MIPEP: variants seen among roughly 807,000 people sequenced by gnomAD.
MIPEP encodes mitochondrial intermediate peptidase.
Under a neutral mutation model 90.3 loss-of-function variants are expected in MIPEP, and 79 were observed. The ratio of observed to expected loss-of-function variants is 0.87; its 90% CI spans 0.73 to 1.05. MIPEP has a LOEUF of 1.05. Among genes scored for constraint, MIPEP ranks in the 50% least tolerant of loss-of-function variants. The pLI is 0.00. For missense variants in MIPEP, 940 were observed against 905.6 expected, an observed-to-expected ratio of 1.04 and a Z score of -0.49; for synonymous variants, 334 against 315.8, an observed-to-expected ratio of 1.06 and a Z score of -0.61.
At chr13:23,888,645 A>C in intron 1 of MIPEP, 3 of 902,302 alleles carry the variant, frequency 3.3e-6, no homozygotes, top group Non-Finnish European at 4.0e-6. Flanking sequence ...ATTAATTAAT[A>C]GATGATGGAA....
chr13:23,778,711 G>GACAATA (rs1952744112), intron 16 of MIPEP, among the ~76,000 whole-genome samples: 1 of 59,728 alleles, frequency 1.7e-5, no homozygotes, highest in Non-Finnish European at 4.1e-5. Context: ...TTATTATACT[G>GACAATA]ACAATAATAA....
intron 18 of MIPEP, among the ~76,000 whole-genome samples, chr13:23,749,966 C>G (rs527652536): frequency 3.3e-5 from 5 of 152,216 alleles, no homozygotes; most frequent in Admixed American, 6.5e-5. Flanking sequence ...CCTCCCTCCC[C>G]CAAGTGGCAA....
At chr13:23,790,287 CT>C (rs966936073) in intron 16 of MIPEP, among the ~76,000 whole-genome samples, 3 of 152,172 alleles carry the variant, frequency 2.0e-5, no homozygotes, top group African/African-American at 4.8e-5. Context: ...TTGAAGATTT[CT>C]TACTTCTGTT....
intron 16 of MIPEP, among the ~76,000 whole-genome samples, chr13:23,768,869 A>T (rs1457967061): frequency 6.6e-6 from 1 of 152,236 alleles, no homozygotes; most frequent in Non-Finnish European, 1.5e-5. Context: ...ATGTAATATT[A>T]AAAAACCCCT....
Position 23,783,355 on chromosome 13 carries a change from T to A in MIPEP, c.1848+22595A>T, listed in dbSNP as rs147017734. Among the ~76,000 whole-genome samples the A allele has an allele frequency of 6.3e-3, 962 of 152,268 alleles. 11 individuals are homozygous for A. Among genetic ancestry groups the A allele is most frequent in the African/African-American group, 0.022 (912 of 41,544 alleles). ...AACAGAACCAAAGACAAAAACCACA[T>A]GATTATCTCAACAGATGCAGAAAAG... On this transcript the variant is annotated intron_variant, in intron 16 of 18. Coordinates refer to ENST00000382172, the MANE Select transcript of MIPEP (RefSeq NM_005932.4).
chr13:23,767,826 C>A (rs1225827986), intron 16 of MIPEP, among the ~76,000 whole-genome samples: 3 of 151,970 alleles, frequency 2.0e-5, no homozygotes, highest in East Asian at 1.9e-4. Context: ...TTGAAAAGAG[C>A]GATTTGCCCA....
intron 10 of MIPEP, among the ~76,000 whole-genome samples, chr13:23,844,057 G>T (rs1869426957): frequency 6.6e-6 from 1 of 152,140 alleles, no homozygotes; most frequent in South Asian, 2.1e-4. Context: ...GGAACCGACT[G>T]TGAAGTGCCC....
In MIPEP at chr13:23,832,094, A is replaced by G. The variant is rs1868798181; in HGVS notation, c.1653+4146T>C. 3.3e-5 allele frequency among the ~76,000 whole-genome samples: 5 copies of G among 152,134 alleles called. No homozygotes were observed. In the South Asian group the frequency reaches 1.0e-3, roughly 32 times the overall value. On this transcript the variant is annotated intron_variant, in intron 14 of 18. Coordinates refer to ENST00000382172, the MANE Select transcript of MIPEP (RefSeq NM_005932.4). ...TACCCCTTCTCCAGGCAGTATTGAGAGATCACTGGGTCATGAGGGCTCTGC... is the reference window on the plus strand; with the variant it reads ...TACCCCTTCTCCAGGCAGTATTGAGGGATCACTGGGTCATGAGGGCTCTGC...
chr13:23,836,148 C>G (rs1214006523), intron 14 of MIPEP, 92 bp downstream of exon 14: 2 of 713,968 alleles, frequency 2.8e-6, no homozygotes, highest in Non-Finnish European at 4.4e-6. Flanking sequence ...AGGGTGAGTT[C>G]TGAAAAGCAA....
Position 23,756,509 on chromosome 13 carries a change from T to C in MIPEP, c.2044+36A>G, listed in dbSNP as rs775158611. On this transcript the variant is annotated intron_variant, in intron 18 of 18. Coordinates refer to ENST00000382172, the MANE Select transcript of MIPEP (RefSeq NM_005932.4). The stretch of plus-strand genomic sequence containing the variant: ...CATATGGAGAAAACATAAATCAGCT[T>C]TCATTATAGATGGTGCCATTTTGGT... 3.1e-6 allele frequency: 5 copies of C among 1,592,246 alleles called. No homozygotes were observed. In the African/African-American group the frequency reaches 4.0e-5, roughly 13 times the overall value.
rs937325653 is a variant in MIPEP at position 23,870,821 on chromosome 13, CA to C, written c.604-627del. Among the ~76,000 whole-genome samples the C allele has an allele frequency of 1.3e-3, 199 of 151,996 alleles. 1 individual carries two copies. Among genetic ancestry groups the C allele is most frequent in the African/African-American group, 4.7e-3 (194 of 41,454 alleles). ...CTCTGTCTCAAAAAAAAACAAAAAA[CA>C]AAAAAACAGTTATTTGCAAAAGTGT... On this transcript the variant is annotated intron_variant, in intron 5 of 18. Transcript: ENST00000382172.
At position 23,830,653 on chromosome 13, in the gene MIPEP, C is replaced by G. The variant is rs564486120; in HGVS notation, c.1653+5587G>C. Among the ~76,000 whole-genome samples the G allele has an allele frequency of 1.6e-3, 242 of 152,308 alleles. 2 individuals carry two copies. Among genetic ancestry groups the G allele is most frequent in the Middle Eastern group, 6.8e-3 (2 of 294 alleles). On this transcript the variant is annotated intron_variant, in intron 14 of 18. Transcript: ENST00000382172. ...AAATGAGCCTCCTTAGAATTCCCTT[C>G]CACTATTCCTAGTAATATTGTTTTT...
intron 10 of MIPEP, among the ~76,000 whole-genome samples, chr13:23,854,914 TAAACAAAC>T (rs1284025106): frequency 6.8e-6 from 1 of 146,830 alleles, no homozygotes; most frequent in Non-Finnish European, 1.5e-5. Context: ...AAAAAAACAA[TAAACAAAC>T]AAACAAACAA....
At chr13:23,737,957 C>G (rs1271167217) in intron 18 of MIPEP, among the ~76,000 whole-genome samples, 1 of 152,122 alleles carries the variant, frequency 6.6e-6, no homozygotes, top group Non-Finnish European at 1.5e-5. Context: ...TTGCTTGACA[C>G]CAAGCAAAGG....
chr13:23,822,347 C>CTTGT (rs1953315876), intron 14 of MIPEP, among the ~76,000 whole-genome samples: 1 of 152,170 alleles, frequency 6.6e-6, no homozygotes, highest in African/African-American at 2.4e-5. Flanking sequence ...TGCAGCCTGT[C>CTTGT]TAATATGCTA....
chr13:23,771,019 T>C (rs997422754), intron 16 of MIPEP, among the ~76,000 whole-genome samples: 3 of 152,124 alleles, frequency 2.0e-5, no homozygotes, highest in Non-Finnish European at 4.4e-5. Flanking sequence ...TGGCCAGCAC[T>C]AGAGAGGACC....
intron 10 of MIPEP, among the ~76,000 whole-genome samples, chr13:23,854,901 G>GAA (rs58441886): frequency 0.023 from 3,348 of 148,208 alleles, 124 homozygotes; most frequent in African/African-American, 0.072. Flanking sequence ...CAAAAAAAAA[G>GAA]AAAAAAAAAC....
rs147886916 is a variant in MIPEP at position 23,789,277 on chromosome 13, C to A, written c.1848+16673G>T. Among the ~76,000 whole-genome samples the A allele has an allele frequency of 3.0e-3, 462 of 152,328 alleles. 3 individuals are homozygous for A. Among genetic ancestry groups the A allele is most frequent in the Admixed American group, 6.5e-3 (99 of 15,308 alleles). On this transcript the variant is annotated intron_variant, in intron 16 of 18. Transcript: ENST00000382172. The stretch of plus-strand genomic sequence containing the variant: ...GTTTTATGAGAGAAGTTCAAATCTA[C>A]TACTCTTTGCATTTGTGATTTCTTC...
chr13:23,854,914 TAAACAAACAAAC>T, intron 10 of MIPEP, among the ~76,000 whole-genome samples: 1 of 146,922 alleles, frequency 6.8e-6, no homozygotes, highest in East Asian at 2.0e-4. Context: ...AAAAAAACAA[TAAACAAACAAAC>T]AAACAAAAAT....
Sources: gnomAD v4.1 joint callset for allele counts (sites outside exome capture counted in the v4.1 genomes callset) on GRCh38, gnomAD v4.1.1 for gene constraint, MANE v1.5 for transcripts, NCBI Gene and HGNC (gene_info 2026-07-23, HGNC 2026-07-21) for gene names.